Variants in FAM53B observed in about 807,000 individuals in gnomAD.
FAM53B encodes protein FAM53B.
A neutral mutation model predicts 32.7 loss-of-function variants in FAM53B; 12 were observed. The ratio of observed to expected loss-of-function variants is 0.37; its 90% confidence interval spans 0.24 to 0.59. The LOEUF (loss-of-function observed/expected upper bound fraction) is 0.59, where lower values mean the gene tolerates loss of function less well. FAM53B is among the 20% of genes least tolerant of loss of function. The probability of loss-of-function intolerance (pLI) is 0.72; values close to 1 mark genes in which losing one functional copy is unlikely to be tolerated. For synonymous variants in FAM53B, 234 were observed against 228.7 expected (o/e 1.02, Z -0.21); for missense variants, 477 against 577.7 (o/e 0.83, Z 1.79).
chr10:124,630,886 G>A (rs1355339742), intron 4 of FAM53B, among the ~76,000 whole-genome samples: 1 of 152,258 alleles, frequency 6.6e-6, no homozygotes, highest in African/African-American at 2.4e-5. Context: ...AGCCAGTACA[G>A]CAGGGGACAG....
At chr10:124,667,073 T>A in intron 4 of FAM53B, 16 of 289,700 alleles carry the variant, frequency 5.5e-5, no homozygotes, top group Non-Finnish European at 9.1e-5. Flanking sequence ...AAAGCCCCAC[T>A]CAGCAAAGCT....
At chr10:124,675,057 C>G (rs919860463) in intron 4 of FAM53B, among the ~76,000 whole-genome samples, 1 of 152,216 alleles carries the variant, frequency 6.6e-6, no homozygotes, top group Non-Finnish European at 1.5e-5. Flanking sequence ...TTAGCAGTCC[C>G]CAGATGAACT....
intron 4 of FAM53B, among the ~76,000 whole-genome samples, chr10:124,637,585 G>A (rs1034061236): frequency 6.6e-6 from 1 of 152,176 alleles, no homozygotes; most frequent in African/African-American, 2.4e-5. Flanking sequence ...CCCTGCTGAT[G>A]TCCCACGCTC....
intron 1 of FAM53B, among the ~76,000 whole-genome samples, chr10:124,730,528 G>A (rs1950135939): frequency 6.6e-6 from 1 of 152,224 alleles, no homozygotes; most frequent in Non-Finnish European, 1.5e-5. Flanking sequence ...AAGGTCCAGT[G>A]TCTTTTCTTT....
intron 4 of FAM53B, among the ~76,000 whole-genome samples, chr10:124,627,501 G>A (rs905247735): frequency 4.6e-5 from 7 of 152,192 alleles, no homozygotes; most frequent in Admixed American, 3.9e-4. Context: ...CCCCCAGCCC[G>A]TCGACTTCTG....
intron 1 of FAM53B, among the ~76,000 whole-genome samples, chr10:124,741,060 G>A (rs7913497): frequency 0.051 from 7,706 of 152,304 alleles, 630 homozygotes; most frequent in African/African-American, 0.17. Flanking sequence ...AAACACCACT[G>A]GGGTTTGCAA....
At chr10:124,687,132 G>A (rs1218306184) in intron 3 of FAM53B, among the ~76,000 whole-genome samples, 1 of 152,134 alleles carries the variant, frequency 6.6e-6, no homozygotes, top group Non-Finnish European at 1.5e-5. Flanking sequence ...TTCGCTCAGG[G>A]AACAGAAAGC....
intron 4 of FAM53B, among the ~76,000 whole-genome samples, chr10:124,660,315 C>T (rs956518932): frequency 6.6e-6 from 1 of 152,204 alleles, no homozygotes; most frequent in Non-Finnish European, 1.5e-5. Context: ...GAGGGCAACA[C>T]AAGACAGCTT....
intron 1 of FAM53B, among the ~76,000 whole-genome samples, chr10:124,723,048 TCAC>T (rs1245609162): frequency 1.3e-5 from 2 of 152,148 alleles, no homozygotes; most frequent in African/African-American, 2.4e-5. Flanking sequence ...AGCTCAGGTG[TCAC>T]CACCTCCAGG....
intron 1 of FAM53B, among the ~76,000 whole-genome samples, chr10:124,720,032 G>A (rs996416151): frequency 1.3e-5 from 2 of 151,784 alleles, no homozygotes; most frequent in South Asian, 2.1e-4. Context: ...GTGTGGTGGC[G>A]GGCGCCTGTA....
intron 2 of FAM53B, chr10:124,703,868 C>T (rs906030145): frequency 6.6e-6 from 1 of 152,474 alleles, no homozygotes; most frequent in African/African-American, 2.4e-5. Flanking sequence ...GCCGCCTGCT[C>T]TCCCCTGACT....
intron 1 of FAM53B, among the ~76,000 whole-genome samples, chr10:124,738,641 T>G (rs1950184600): frequency 6.6e-6 from 1 of 151,428 alleles, no homozygotes; most frequent in South Asian, 2.1e-4. Flanking sequence ...TGCCCAGCCC[T>G]GGCTGGGGCG....
intron 1 of FAM53B, among the ~76,000 whole-genome samples, chr10:124,712,938 C>G (rs562050646): frequency 6.6e-6 from 1 of 152,370 alleles, no homozygotes; most frequent in African/African-American, 2.4e-5. Flanking sequence ...AGTCCTCACC[C>G]CAAGAGTGCA....
At chr10:124,734,697 G>A (rs1406051235) in intron 1 of FAM53B, among the ~76,000 whole-genome samples, 1 of 152,206 alleles carries the variant, frequency 6.6e-6, no homozygotes, top group Non-Finnish European at 1.5e-5. Context: ...TGAACAGCAT[G>A]AGTCTTCACA....
At chr10:124,728,764 A>T (rs1323923321) in intron 1 of FAM53B, among the ~76,000 whole-genome samples, 1 of 152,256 alleles carries the variant, frequency 6.6e-6, no homozygotes, top group East Asian at 1.9e-4. Context: ...GGTTTTCTTA[A>T]ATGTCACCCC....
At chr10:124,697,407 T>C (rs1008713649) in intron 2 of FAM53B, among the ~76,000 whole-genome samples, 2 of 152,074 alleles carry the variant, frequency 1.3e-5, no homozygotes, top group Admixed American at 1.3e-4. Context: ...GGCAGGAGGA[T>C]GGGGCTGACT....
intron 1 of FAM53B, chr10:124,708,027 A>G (rs1245361424): frequency 6.6e-6 from 1 of 152,184 alleles, no homozygotes; most frequent in East Asian, 1.9e-4. Flanking sequence ...CATGTCTCTG[A>G]TTCTATTTCC....
chr10:124,626,388 GCC>G (rs34542605), intron 4 of FAM53B, among the ~76,000 whole-genome samples: 12,150 of 101,746 alleles, frequency 0.12, 1,855 homozygotes, highest in African/African-American at 0.35. Flanking sequence ...CGAAATTTGT[GCC>G]CCCCCCCCCC....
intron 4 of FAM53B, among the ~76,000 whole-genome samples, chr10:124,628,370 G>A (rs577928923): frequency 3.9e-5 from 6 of 152,274 alleles, no homozygotes; most frequent in East Asian, 3.9e-4. Flanking sequence ...CCTTTGTCCC[G>A]GTTGCCTCCT....
Sources: gnomAD v4.1 joint callset for allele counts (sites outside exome capture counted in the v4.1 genomes callset) on GRCh38, gnomAD v4.1.1 for gene constraint, MANE v1.5 for transcripts, NCBI Gene and HGNC (gene_info 2026-07-23, HGNC 2026-07-21) for gene names.